The following UBE3D variants were observed in gnomAD, a reference collection of about 807,000 sequenced individuals.
UBE3D encodes the protein ubiquitin protein ligase E3D.
In UBE3D, 48 loss-of-function variants were observed where a neutral mutation model predicts 49.6. That is an observed-to-expected ratio of 0.97 (90% CI 0.77 to 1.23). The LOEUF (loss-of-function observed/expected upper bound fraction) is 1.23. UBE3D is among the 50% of genes most tolerant of loss of function. UBE3D has a pLI of 0.00. For missense variants in UBE3D, 452 were observed against 468.4 expected (o/e 0.96, Z 0.32); for synonymous variants, 189 against 174.2 (o/e 1.08, Z -0.67).
intron 8 of UBE3D, among the ~76,000 whole-genome samples, chr6:83,000,006 C>T (rs1471670196): frequency 2.6e-5 from 4 of 152,196 alleles, no homozygotes; most frequent in Non-Finnish European, 5.9e-5. Context: ...AAAGCAGTTT[C>T]CTCCCTTAGC....
intron 2 of UBE3D, among the ~76,000 whole-genome samples, chr6:83,056,752 C>T (rs1421385396): frequency 6.6e-6 from 1 of 152,184 alleles, no homozygotes; most frequent in Non-Finnish European, 1.5e-5. Flanking sequence ...TCCTAAATGG[C>T]TCTTCCAAAC....
the UBE3D span, among the ~76,000 whole-genome samples, chr6:82,886,677 C>G: frequency 6.6e-6 from 1 of 152,164 alleles, no homozygotes; most frequent in Non-Finnish European, 1.5e-5. Context: ...TTTGTTTCCT[C>G]TAGTGATTTT....
intron 9 of UBE3D, among the ~76,000 whole-genome samples, chr6:82,945,121 G>A (rs1393563699): frequency 3.3e-5 from 5 of 152,186 alleles, no homozygotes; most frequent in African/African-American, 1.2e-4. Flanking sequence ...GCAAACATAG[G>A]TGTTGGCCAA....
Position 82,911,382 on chromosome 6 carries a change from AAGCTTCATTACCAATAT to A in UBE3D, c.1150-18357_1150-18341del, listed in dbSNP as rs1343190752. Among the ~76,000 whole-genome samples the A allele has an allele frequency of 2.6e-5, 4 of 152,246 alleles. No homozygotes were observed. In the East Asian group the frequency reaches 5.8e-4, roughly 22 times the overall value. On this transcript the variant is annotated intron_variant, in intron 9 of 9. Transcript: ENST00000369747. ...ATGCAGTATTTGGGGACACAGCAAA[AAGCTTCATTACCAATAT>A]ACTGCTTCTAAATGGAATAACAAGG...
At chr6:83,063,131 G>T in intron 1 of UBE3D, 1 of 257,718 alleles carries the variant, frequency 3.9e-6, no homozygotes, top group Non-Finnish European at 7.7e-6. Context: ...AAAAAAACGA[G>T]GCAGGGCATG....
intron 2 of UBE3D, among the ~76,000 whole-genome samples, chr6:83,056,948 T>C (rs1783852055): frequency 6.6e-6 from 1 of 152,154 alleles, no homozygotes; most frequent in Non-Finnish European, 1.5e-5. Context: ...AAAGCATATA[T>C]TACGTACATT....
intron 8 of UBE3D, among the ~76,000 whole-genome samples, chr6:82,970,604 T>C (rs1236587364): frequency 4.6e-5 from 7 of 150,566 alleles, no homozygotes; most frequent in Non-Finnish European, 8.9e-5. Flanking sequence ...CTTTGGGAGG[T>C]CGAGGCGGGC....
At chr6:83,027,176 G>A (rs1373437839) in intron 5 of UBE3D, among the ~76,000 whole-genome samples, 8 of 151,718 alleles carry the variant, frequency 5.3e-5, no homozygotes, top group African/African-American at 9.7e-5. Flanking sequence ...AGTGGCTCAC[G>A]CCTGTAATCC....
intron 8 of UBE3D, among the ~76,000 whole-genome samples, chr6:82,986,719 T>TTA (rs570508384): frequency 3.4e-5 from 5 of 148,114 alleles, no homozygotes; most frequent in African/African-American, 7.3e-5. Flanking sequence ...TATTTATATT[T>TTA]TATATATATA....
chr6:82,929,254 A>G (rs1411702207), intron 9 of UBE3D, among the ~76,000 whole-genome samples: 2 of 152,026 alleles, frequency 1.3e-5, no homozygotes. Flanking sequence ...ATCACATCTG[A>G]TGGAGATCAA....
intron 4 of UBE3D, among the ~76,000 whole-genome samples, chr6:83,043,806 T>C (rs1352355549): frequency 6.6e-6 from 1 of 152,256 alleles, no homozygotes; most frequent in Non-Finnish European, 1.5e-5. Flanking sequence ...GCCATTGATT[T>C]TCTTTTAAAA....
rs369788628 is a variant in UBE3D at position 82,942,798 on chromosome 6, C to T, written c.1149+14514G>A. On this transcript the variant is annotated intron_variant, in intron 9 of 9. Coordinates refer to ENST00000369747, the MANE Select transcript of UBE3D (RefSeq NM_198920.3). ...GGTTGCCGCAGGCACAGAGCCCTTA[C>T]GGAGAACCTCTGCTAGGGCAGTGAG... Among the ~76,000 whole-genome samples, 7 of 152,348 alleles carry T rather than the reference C, an allele frequency of 4.6e-5. No individual in the cohort carries two copies. In the East Asian group the frequency reaches 5.8e-4, roughly 13 times the overall value.
chr6:82,943,179 G>T (rs1775141350), intron 9 of UBE3D, among the ~76,000 whole-genome samples: 1 of 152,132 alleles, frequency 6.6e-6, no homozygotes, highest in Non-Finnish European at 1.5e-5. Flanking sequence ...CTTTGTTTTG[G>T]CCAATTTCTC....
chr6:82,949,923 A>T lies in UBE3D; in HGVS notation c.1149+7389T>A, dbSNP rs916974096. On this transcript the variant is annotated intron_variant, in intron 9 of 9. Transcript: ENST00000369747. ...AACTACAAAATTACTGTAAGAAAAC[A>T]TTGGGGAAACTCTCTAGGACATTGA... is the stretch of plus-strand genomic sequence containing the variant. 1.1e-4 allele frequency among the ~76,000 whole-genome samples: 16 copies of T among 152,150 alleles called. 1 individual carries two copies. The highest frequency in any genetic ancestry group is 9.8e-4 in the Admixed American group (15 of 15,258).
At chr6:83,060,753 G>A (rs1424135301) in intron 1 of UBE3D, among the ~76,000 whole-genome samples, 1 of 152,080 alleles carries the variant, frequency 6.6e-6, no homozygotes, top group African/African-American at 2.4e-5. Context: ...AGAATGACAG[G>A]TACCTACCAA....
intron 9 of UBE3D, among the ~76,000 whole-genome samples, chr6:82,899,758 G>A (rs1010905589): frequency 2.0e-5 from 3 of 152,168 alleles, no homozygotes; most frequent in Non-Finnish European, 2.9e-5. Flanking sequence ...ACTGGACTAC[G>A]GACAGCATTG....
At chr6:82,902,920 T>C (rs1410841991) in intron 9 of UBE3D, among the ~76,000 whole-genome samples, 1 of 152,196 alleles carries the variant, frequency 6.6e-6, no homozygotes, top group East Asian at 1.9e-4. Flanking sequence ...ACCCAAATTA[T>C]AAGTGAAGAC....
intron 9 of UBE3D, among the ~76,000 whole-genome samples, chr6:82,943,698 T>C (rs899564117): frequency 5.3e-5 from 8 of 152,154 alleles, no homozygotes; most frequent in African/African-American, 1.9e-4. Flanking sequence ...ACTCATGGTA[T>C]CTGATTTTAA....
intron 9 of UBE3D, among the ~76,000 whole-genome samples, chr6:82,913,846 CA>C (rs1772709914): frequency 6.6e-6 from 1 of 152,192 alleles, no homozygotes; most frequent in African/African-American, 2.4e-5. Context: ...TTATCAACTA[CA>C]ACATTCACAT....
Sources: gnomAD v4.1 joint callset for allele counts (sites outside exome capture counted in the v4.1 genomes callset) on GRCh38, gnomAD v4.1.1 for gene constraint, MANE v1.5 for transcripts, NCBI Gene and HGNC (gene_info 2026-07-23, HGNC 2026-07-21) for gene names.